The following SHISA9 variants were observed in gnomAD, a reference collection of about 807,000 sequenced individuals.
The protein encoded by SHISA9 is protein shisa-9.
SHISA9 carries 13 observed loss-of-function variants against 38.0 expected under a neutral mutation model. The observed-to-expected ratio is 0.34, with a 90% CI of 0.22 to 0.54. SHISA9 has a LOEUF of 0.54. Ranked by LOEUF, SHISA9 falls within the 20% of genes least tolerant of loss-of-function variation. The pLI is 0.91. For synonymous variants in SHISA9, 275 were observed against 242.0 expected (o/e 1.14, Z -1.27); for missense variants, 538 against 575.8 (o/e 0.93, Z 0.67).
At chr16:13,484,147 T>C in the SHISA9 span, among the ~76,000 whole-genome samples, 9 of 152,132 alleles carry the variant, frequency 5.9e-5, no homozygotes, top group Non-Finnish European at 8.8e-5. Context: ...TGGTATTCCC[T>C]GCTTGGCGTG....
chr16:13,194,535 G>T (rs909902493), intron 2 of SHISA9, among the ~76,000 whole-genome samples: 2 of 152,180 alleles, frequency 1.3e-5, no homozygotes, highest in East Asian at 1.9e-4. Flanking sequence ...GCTAGTATAT[G>T]GAATAGTGTG....
chr16:12,906,766 C>G (rs1234672888), intron 1 of SHISA9, among the ~76,000 whole-genome samples: 1 of 152,114 alleles, frequency 6.6e-6, no homozygotes, highest in East Asian at 1.9e-4. Context: ...AACCTTGGCA[C>G]TATTGACTGG....
At chr16:13,335,588 C>T in the SHISA9 span, among the ~76,000 whole-genome samples, 1 of 152,198 alleles carries the variant, frequency 6.6e-6, no homozygotes, top group African/African-American at 2.4e-5. Context: ...ATGCAACTGT[C>T]ATTCAGCTCC....
chr16:13,559,628 C>T, the SHISA9 span, among the ~76,000 whole-genome samples: 4 of 152,246 alleles, frequency 2.6e-5, no homozygotes, highest in African/African-American at 9.6e-5. Flanking sequence ...AGCAAACCTC[C>T]CACCTCGGCC....
chr16:13,180,388 G>C (rs2050766863), intron 2 of SHISA9, among the ~76,000 whole-genome samples: 1 of 152,180 alleles, frequency 6.6e-6, no homozygotes, highest in African/African-American at 2.4e-5. Context: ...GCTGACCTTG[G>C]TGCTTAGAGT....
intron 2 of SHISA9, among the ~76,000 whole-genome samples, chr16:12,959,543 A>T (rs1421029333): frequency 6.6e-6 from 1 of 152,120 alleles, no homozygotes; most frequent in Non-Finnish European, 1.5e-5. Context: ...CAGAGCTCAG[A>T]CTCGAGAAAA....
the SHISA9 span, among the ~76,000 whole-genome samples, chr16:13,463,984 A>G: frequency 6.6e-6 from 1 of 152,258 alleles, no homozygotes; most frequent in African/African-American, 2.4e-5. Flanking sequence ...AGGCAATGCT[A>G]ATTAACAGAA....
rs750905193 is a variant in SHISA9, at chr16:13,235,691, A to G, written c.*282A>G. ...TTCCACTTCAGGCCCAAGATGGCCA[A>G]CTCACATGCCCAAACCGTGGGGCTG... On this transcript the variant is annotated 3_prime_UTR_variant, in exon 5 of 5. Transcript: ENST00000558583. 1.0e-4 allele frequency: 42 copies of G among 417,600 alleles called. No individual in the cohort carries two copies. The highest frequency in any genetic ancestry group is 1.5e-4 in the Non-Finnish European group (36 of 236,008). The allele number at this position is 417,600 out of a possible 1,614,324, so 25.9% of individuals were successfully genotyped here.
chr16:13,034,012 G>A (rs1332310526), intron 2 of SHISA9, among the ~76,000 whole-genome samples: 1 of 152,132 alleles, frequency 6.6e-6, no homozygotes, highest in Non-Finnish European at 1.5e-5. Context: ...CAGGTGTGGT[G>A]GCGCATGCCT....
chr16:13,187,328 C>CTTTTTTTTTTTTTTTTTTTTT (rs372286181), intron 2 of SHISA9, among the ~76,000 whole-genome samples: 4 of 90,684 alleles, frequency 4.4e-5, no homozygotes, highest in Non-Finnish European at 6.7e-5. Context: ...CTTTTCTTTT[C>CTTTTTTTTTTTTTTTTTTTTT]TTTTTTTTTT....
At chr16:13,402,833 T>G in the SHISA9 span, among the ~76,000 whole-genome samples, 2 of 152,176 alleles carry the variant, frequency 1.3e-5, no homozygotes, top group East Asian at 1.9e-4. Context: ...AAAATAAATT[T>G]CTGGGCTGGG....
chr16:13,457,841 T>G, the SHISA9 span, among the ~76,000 whole-genome samples: 3 of 151,986 alleles, frequency 2.0e-5, no homozygotes, highest in African/African-American at 7.2e-5. Context: ...TAATCACATA[T>G]GAGAAATAGT....
intron 2 of SHISA9, among the ~76,000 whole-genome samples, chr16:13,178,364 T>C (rs1038927855): frequency 6.6e-6 from 1 of 151,682 alleles, no homozygotes; most frequent in Admixed American, 6.6e-5. Flanking sequence ...AAATTTTTAA[T>C]GGGACTGAAA....
the SHISA9 span, chr16:13,458,325 A>G: frequency 1.7e-5 from 5 of 291,304 alleles, no homozygotes; most frequent in Non-Finnish European, 3.3e-5. Context: ...TTGAGACTCC[A>G]CAGGATGAGT....
chr16:13,317,929 T>C, the SHISA9 span, among the ~76,000 whole-genome samples: 2 of 152,102 alleles, frequency 1.3e-5, no homozygotes, highest in East Asian at 1.9e-4. Context: ...AAATTTTCTG[T>C]TGAAAATATG....
At chr16:13,476,725 A>C in the SHISA9 span, among the ~76,000 whole-genome samples, 4 of 131,862 alleles carry the variant, frequency 3.0e-5, no homozygotes, top group African/African-American at 5.7e-5. Flanking sequence ...AGCCTCAAGC[A>C]CGCCTGTTTT....
At chr16:13,389,889 G>A in the SHISA9 span, among the ~76,000 whole-genome samples, 17 of 152,316 alleles carry the variant, frequency 1.1e-4, no homozygotes, top group South Asian at 4.1e-4. Context: ...GCACTCTTGC[G>A]TAGGATGGGT....
chr16:12,925,574 G>A (rs1375825624), intron 2 of SHISA9, among the ~76,000 whole-genome samples: 1 of 152,096 alleles, frequency 6.6e-6, no homozygotes, highest in Admixed American at 6.6e-5. Context: ...TGGCCACATG[G>A]CATAGCCTAA....
chr16:13,228,319 T>C (rs169443), intron 4 of SHISA9, among the ~76,000 whole-genome samples: 43,044 of 152,148 alleles, frequency 0.28, 6,535 homozygotes, highest in South Asian at 0.4. Flanking sequence ...CATGTGGGAC[T>C]CACTGTTTCC....
Sources: gnomAD v4.1 joint callset for allele counts (sites outside exome capture counted in the v4.1 genomes callset) on GRCh38, gnomAD v4.1.1 for gene constraint, MANE v1.5 for transcripts, NCBI Gene and HGNC (gene_info 2026-07-23, HGNC 2026-07-21) for gene names.